Variants in RBFOX3 observed in about 807,000 individuals in gnomAD.
RBFOX3 encodes the protein RNA binding fox-1 homolog 3.
In RBFOX3, 17 loss-of-function variants were observed where a neutral mutation model predicts 48.7. The ratio of observed to expected loss-of-function variants is 0.35; its 90% confidence interval spans 0.24 to 0.52. The LOEUF (loss-of-function observed/expected upper bound fraction) is 0.52, where lower values mean the gene tolerates loss of function less well. RBFOX3 is among the 20% of genes least tolerant of loss of function. The pLI is 0.94. For synonymous variants in RBFOX3, 212 were observed against 209.5 expected, an observed-to-expected ratio of 1.01 and a Z score of -0.10; for missense variants, 382 against 497.5, an observed-to-expected ratio of 0.77 and a Z score of 2.21.
At chr17:79,291,961 AG>A (rs1332731482) in intron 3 of RBFOX3, among the ~76,000 whole-genome samples, 1 of 152,132 alleles carries the variant, frequency 6.6e-6, no homozygotes, top group African/African-American at 2.4e-5. Flanking sequence ...CCTGGGTTGG[AG>A]GCATGGGTTT....
the RBFOX3 span, among the ~76,000 whole-genome samples, chr17:79,659,635 C>G: frequency 1.3e-5 from 2 of 152,162 alleles, no homozygotes; most frequent in Non-Finnish European, 2.9e-5. Flanking sequence ...TCCCCACTCC[C>G]CAGAGACTGA....
At chr17:79,213,521 C>T (rs537753932) in intron 4 of RBFOX3, among the ~76,000 whole-genome samples, 7 of 152,356 alleles carry the variant, frequency 4.6e-5, no homozygotes, top group South Asian at 2.1e-4. Flanking sequence ...CCTCCCACCC[C>T]GCCAACCAGT....
intron 3 of RBFOX3, among the ~76,000 whole-genome samples, chr17:79,279,870 G>A (rs1431992962): frequency 2.0e-5 from 3 of 152,194 alleles, no homozygotes; most frequent in East Asian, 3.9e-4. Flanking sequence ...TGTCTAGGGA[G>A]GAACAACTGG....
chr17:79,272,140 G>A (rs895613905), intron 3 of RBFOX3, among the ~76,000 whole-genome samples: 1 of 152,220 alleles, frequency 6.6e-6, no homozygotes, highest in African/African-American at 2.4e-5. Flanking sequence ...GGTGTGTGGG[G>A]CTCCCTGCTG....
At chr17:79,510,832 G>A (rs987699623) in intron 1 of RBFOX3, among the ~76,000 whole-genome samples, 8 of 152,106 alleles carry the variant, frequency 5.3e-5, no homozygotes, top group Non-Finnish European at 1.0e-4. Context: ...GCCAGGACTC[G>A]GGGCGAGCAC....
At chr17:79,251,555 C>T (rs1462611873) in intron 3 of RBFOX3, among the ~76,000 whole-genome samples, 1 of 152,200 alleles carries the variant, frequency 6.6e-6, no homozygotes, top group Admixed American at 6.5e-5. Flanking sequence ...ATTCTTCTTC[C>T]TTAACACCTT....
At chr17:79,398,268 C>T (rs1206919676) in intron 2 of RBFOX3, among the ~76,000 whole-genome samples, 8 of 152,164 alleles carry the variant, frequency 5.3e-5, no homozygotes, top group African/African-American at 7.2e-5. Context: ...AGTATGGGAG[C>T]GTCCAGCCCT....
chr17:79,331,814 G>A (rs1217436159), intron 2 of RBFOX3, among the ~76,000 whole-genome samples: 3 of 152,192 alleles, frequency 2.0e-5, no homozygotes, highest in Non-Finnish European at 4.4e-5. Context: ...CACTACAGGG[G>A]ACAGCACAGA....
At chr17:79,223,762 C>A (rs932157385) in intron 4 of RBFOX3, among the ~76,000 whole-genome samples, 1 of 152,140 alleles carries the variant, frequency 6.6e-6, no homozygotes, top group African/African-American at 2.4e-5. Flanking sequence ...TGTCCTGGGC[C>A]GTCGACACAT....
At position 79,199,348 on chromosome 17, in the gene RBFOX3, G is replaced by A. The variant is rs1308427591; in HGVS notation, c.-34+36418C>T. 6.6e-6 allele frequency among the ~76,000 whole-genome samples: 1 copy of A among 152,176 alleles called. No homozygotes were observed. ...CATCCTGCCCTTCTTCTTCCAGCAG[G>A]TGGGAGGGTCAGACTCAGAGGAGGG... On this transcript the variant is annotated intron_variant, in intron 4 of 14. Transcript: ENST00000693108. This position sits in a 1 kb window ranked among gnomAD's most constrained non-coding sequence, Gnocchi z 5.1.
In RBFOX3 at chr17:79,115,701, G is replaced by GGGT; in HGVS notation, c.14_15insACC (p.Tyr5delinsTer). The GGGT allele has an allele frequency of 4.8e-6, 2 of 415,914 alleles. No homozygotes were observed. The highest frequency in any genetic ancestry group is 9.0e-6 in the Non-Finnish European group (2 of 222,392). The allele number at this position is 415,914 out of a possible 1,614,324, so 25.8% of individuals were successfully genotyped here. A position where few individuals can be genotyped will look rare whatever the true frequency, so the allele number is the denominator to read the frequency against. On this transcript the variant is annotated stop_gained, in exon 5 of 15. Coordinates refer to ENST00000693108, the MANE Select transcript of RBFOX3 (RefSeq NM_001350451.2). LOFTEE classifies it high-confidence loss of function. ...GCGGAGGGGGGTACTGGGCGGGGGGGTAGGGCTGGGCCATCGCTTCAGGCG... is the reference window on the plus strand; with the variant it reads ...GCGGAGGGGGGTACTGGGCGGGGGGGGGTTAGGGCTGGGCCATCGCTTCAGGCG...
chr17:79,418,637 T>C lies in RBFOX3; in HGVS notation c.-175+63817A>G, dbSNP rs1010714177. On this transcript the variant is annotated intron_variant, in intron 2 of 14. Coordinates refer to ENST00000693108, the MANE Select transcript of RBFOX3 (RefSeq NM_001350451.2). This position sits in a 1 kb window ranked among gnomAD's most constrained non-coding sequence, Gnocchi z 5.0. ...GGAGGTCTGGGAGAAAATCAGGAAG[T>C]GGCAGACTAAGACCAAGACAGAGAG... Among the ~76,000 whole-genome samples, 28 of 152,154 alleles carry C rather than the reference T, an allele frequency of 1.8e-4. No individual in the cohort carries two copies. The highest frequency in any genetic ancestry group is 6.8e-4 in the African/African-American group (28 of 41,440).
At chr17:79,509,411 C>A (rs2083739222) in intron 1 of RBFOX3, among the ~76,000 whole-genome samples, 1 of 152,120 alleles carries the variant, frequency 6.6e-6, no homozygotes, top group African/African-American at 2.4e-5. Context: ...CAGGCTCCCA[C>A]TCTGCGGGTA....
At chr17:79,645,182 C>A in the RBFOX3 span, among the ~76,000 whole-genome samples, 4 of 152,156 alleles carry the variant, frequency 2.6e-5, no homozygotes, top group Non-Finnish European at 1.5e-5. Flanking sequence ...CACATCCACA[C>A]CCCGCCTTTC....
intron 4 of RBFOX3, among the ~76,000 whole-genome samples, chr17:79,170,650 C>T (rs961380686): frequency 5.3e-5 from 8 of 152,128 alleles, no homozygotes; most frequent in African/African-American, 1.9e-4. Flanking sequence ...CCTCTCTGTC[C>T]CTACTGCTGC....
chr17:79,441,682 T>G (rs962080149), intron 2 of RBFOX3, among the ~76,000 whole-genome samples: 1 of 152,070 alleles, frequency 6.6e-6, no homozygotes, highest in Non-Finnish European at 1.5e-5. Flanking sequence ...AGCCCCCTAG[T>G]GTGCGGTCAT....
At chr17:79,224,578 C>T (rs1277414791) in intron 4 of RBFOX3, among the ~76,000 whole-genome samples, 1 of 152,206 alleles carries the variant, frequency 6.6e-6, no homozygotes, top group African/African-American at 2.4e-5. Flanking sequence ...GGCCCTGCGG[C>T]CCAGGGATCC....
intron 4 of RBFOX3, among the ~76,000 whole-genome samples, chr17:79,171,125 A>G (rs1017087361): frequency 3.9e-5 from 6 of 152,344 alleles, no homozygotes; most frequent in African/African-American, 1.4e-4. Context: ...GTGAGTGAAA[A>G]TTATACAGTG....
chr17:79,293,700 G>T (rs2073847405), intron 3 of RBFOX3, among the ~76,000 whole-genome samples: 1 of 152,108 alleles, frequency 6.6e-6, no homozygotes, highest in Admixed American at 6.5e-5. Flanking sequence ...TGATCTGCCT[G>T]CCTTGGCCTC....
Sources: allele counts gnomAD v4.1 joint callset (sites outside exome capture counted in the v4.1 genomes callset), GRCh38; gene constraint gnomAD v4.1.1; non-coding constraint Gnocchi (gnomAD v3.1); transcripts MANE v1.5; gene names NCBI Gene and HGNC (gene_info 2026-07-23, HGNC 2026-07-21).